The following OAT variants were observed in gnomAD, a reference collection of about 807,000 sequenced individuals.
OAT encodes ornithine aminotransferase, mitochondrial.
In OAT, 35 loss-of-function variants were observed where a neutral mutation model predicts 48.4. That is an observed-to-expected ratio of 0.72 (90% CI 0.55 to 0.96). OAT has a LOEUF of 0.96. OAT is among the 40% of genes least tolerant of loss of function. The pLI is 0.00. For missense variants in OAT, 438 were observed against 537.9 expected (o/e 0.81, Z 1.84); for synonymous variants, 182 against 198.4 (o/e 0.92, Z 0.70).
At chr10:124,408,661 GA>G (rs1347811614) in intron 3 of OAT, 24 bp from the exon 4 acceptor site, 1 of 1,598,046 alleles carries the variant, frequency 6.3e-7, no homozygotes, top group Non-Finnish European at 8.6e-7. Context: ...AAAATGTTCA[GA>G]TTTTTTTAAA....
intron 2 of OAT, among the ~76,000 whole-genome samples, chr10:124,409,897 T>C (rs186322575): frequency 1.5e-4 from 23 of 152,340 alleles, no homozygotes; most frequent in African/African-American, 3.6e-4. Context: ...GGGATGGTTA[T>C]AATTAAAAAA....
chr10:124,417,330 G>A (rs937631428), intron 1 of OAT, among the ~76,000 whole-genome samples: 1 of 145,594 alleles, frequency 6.9e-6, no homozygotes, highest in Non-Finnish European at 1.5e-5. Flanking sequence ...TGTCGCCCAG[G>A]CTGGAGTGCA....
At position 124,397,916 on chromosome 10, in the gene OAT, G is replaced by A; in HGVS notation, c.*26C>T. Reference sequence around the variant, plus strand: ...CCACCTGTCTCCAGCTGGCTCCCAGGGACCACTGAAAACAGCTGGCTACCC... The same window carrying A: ...CCACCTGTCTCCAGCTGGCTCCCAGAGACCACTGAAAACAGCTGGCTACCC... On this transcript the variant is annotated 3_prime_UTR_variant, in exon 10 of 10. Transcript: ENST00000368845. 6.2e-7 allele frequency: 1 copy of A among 1,613,362 alleles called. No homozygotes were observed. Among genetic ancestry groups the A allele is most frequent in the South Asian group, 1.1e-5 (1 of 91,036 alleles).
chr10:124,404,567 G>A (rs773905218), intron 5 of OAT, among the ~76,000 whole-genome samples: 12 of 152,108 alleles, frequency 7.9e-5, no homozygotes, highest in East Asian at 1.9e-4. Context: ...GATTACAGGC[G>A]TGAGTCACCG....
chr10:124,407,931 C>T (rs930989338), intron 4 of OAT, among the ~76,000 whole-genome samples: 1 of 152,082 alleles, frequency 6.6e-6, no homozygotes, highest in African/African-American at 2.4e-5. Context: ...CATGGCACAA[C>T]AGGACCTCCA....
Position 124,407,457 on chromosome 10 carries a change from C to T in OAT, c.520+1085G>A, listed in dbSNP as rs898747030. ...TCACCAGAAACACCATTTTTGTTTG[C>T]AAGAGACAGTTATGTTGTCCTACAA... On this transcript the variant is annotated intron_variant, in intron 4 of 9. Coordinates refer to ENST00000368845, the MANE Select transcript of OAT (RefSeq NM_000274.4). 5.1e-6 allele frequency: 5 copies of T among 985,142 alleles called. No individual in the cohort carries two copies. In the African/African-American group the frequency reaches 8.7e-5, roughly 17 times the overall value. 61.0% of individuals were successfully genotyped at this position (985,142 alleles called of 1,614,324 possible). A position where few individuals can be genotyped will look rare whatever the true frequency, so the allele number is the denominator to read the frequency against.
Position 124,401,743 on chromosome 10 carries a change from C to T in OAT, c.997G>A (p.Ala333Thr), listed in dbSNP as rs1322699067. 6.2e-7 allele frequency: 1 copy of T among 1,611,618 alleles called. No homozygotes were observed. Among genetic ancestry groups the T allele is most frequent in the Non-Finnish European group, 8.5e-7 (1 of 1,178,476 alleles). Residue 333 changes from alanine to threonine, a missense_variant, in exon 8 of 10, where the codon GCC (alanine) becomes ACC (threonine). Coordinates refer to ENST00000368845, the MANE Select transcript of OAT (RefSeq NM_000274.4). ...YGGNPLGCRV[A>T]IAALEVLEEE... ...GTCTTTACCTCAAGGGCTGCGATGG[C>T]CACTCGGCAGCCTAGTGGATTGCCA...
At chr10:124,401,382 A>G (rs1951402278) in intron 8 of OAT, among the ~76,000 whole-genome samples, 1 of 152,218 alleles carries the variant, frequency 6.6e-6, no homozygotes. Flanking sequence ...CAGTCTGAAA[A>G]CATTATAAAT....
chr10:124,400,967 G>A lies in OAT; in HGVS notation c.1032C>T (p.Asn344=), dbSNP rs2134450878. 6.2e-7 allele frequency: 1 copy of A among 1,611,398 alleles called. No individual in the cohort carries two copies. Among genetic ancestry groups the A allele is most frequent in the South Asian group, 1.1e-5 (1 of 90,918 alleles). ...CCAATTTGTCTGCATTTTCAGCAAG[G>A]TTTTCTTCTTCTAAAACCTACGTTT... The part of the protein sequence containing the change: ...IAALEVLEEE[N]LAENADKLGI... The change falls in exon 9 of 10, where the codon AAC becomes AAT. Residue 344 remains asparagine, a synonymous_variant. Coordinates refer to ENST00000368845, the MANE Select transcript of OAT (RefSeq NM_000274.4).
chr10:124,410,320 A>T (rs976008000), intron 2 of OAT, among the ~76,000 whole-genome samples: 7 of 152,234 alleles, frequency 4.6e-5, no homozygotes, highest in African/African-American at 1.7e-4. Flanking sequence ...ACAAAGGGAA[A>T]GAAGACCAAG....
rs371878605 is a variant in OAT at position 124,401,763 on chromosome 10, T to C, written c.977A>G (p.Asn326Ser). ...PGEHGSTYGGNPLGCRVAIAA... is the reference protein window; with the variant it reads ...PGEHGSTYGGSPLGCRVAIAA... ...GATGGCCACTCGGCAGCCTAGTGGATTGCCACCGTATGTGGACCCATGCTC... is the reference window on the plus strand; with the variant it reads ...GATGGCCACTCGGCAGCCTAGTGGACTGCCACCGTATGTGGACCCATGCTC... Residue 326 changes from asparagine to serine, a missense_variant, in exon 8 of 10, where the codon AAT becomes AGT. Physicochemically the swap from Asn to Ser is conservative, Grantham distance 46. Coordinates refer to ENST00000368845, the MANE Select transcript of OAT (RefSeq NM_000274.4). The C allele has an allele frequency of 3.7e-6, 6 of 1,613,200 alleles. No homozygotes were observed. The African/African-American group carries it at 5.3e-5, about 14-fold the overall frequency.
chr10:124,411,586 G>C (rs530236721), intron 2 of OAT, among the ~76,000 whole-genome samples: 11 of 152,258 alleles, frequency 7.2e-5, no homozygotes, highest in African/African-American at 1.9e-4. Context: ...GGGAGGCCAA[G>C]GTGGGAGGAT....
chr10:124,399,202 C>A (rs1161772655), intron 9 of OAT, among the ~76,000 whole-genome samples: 2 of 152,086 alleles, frequency 1.3e-5, no homozygotes, highest in African/African-American at 4.8e-5. Flanking sequence ...AGCAGCGATT[C>A]TCAACCTGGC....
chr10:124,406,942 A>C (rs1322402908), intron 4 of OAT: 18 of 984,806 alleles, frequency 1.8e-5, no homozygotes, highest in Non-Finnish European at 2.2e-5. Flanking sequence ...AATTTCAGAG[A>C]GGATGACATT....
Position 124,401,851 on chromosome 10 carries a change from T to G in OAT, c.901-12A>C, listed in dbSNP as rs1951421133. ...AGCACTGCAGACACCTGAAAGACAGTCAATTCACCATGTCATTTCTCAGCA... is the reference window on the plus strand; with the variant it reads ...AGCACTGCAGACACCTGAAAGACAGGCAATTCACCATGTCATTTCTCAGCA... On this transcript the variant is annotated splice_polypyrimidine_tract_variant and intron_variant, in intron 7 of 9. Transcript: ENST00000368845. 1 of 1,579,118 alleles carries G rather than the reference T, an allele frequency of 6.3e-7. No homozygotes were observed. The highest frequency in any genetic ancestry group is 1.7e-5 in the Admixed American group (1 of 59,900).
At chr10:124,411,168 G>A (rs375540371) in intron 2 of OAT, among the ~76,000 whole-genome samples, 2,130 of 61,940 alleles carry the variant, frequency 0.034, no homozygotes, top group East Asian at 0.1. Context: ...AAAAAAAGAA[G>A]AAGAGATGTC....
intron 4 of OAT, chr10:124,406,989 T>G: frequency 1.0e-6 from 1 of 985,248 alleles, no homozygotes; most frequent in Non-Finnish European, 1.2e-6. Flanking sequence ...AACAGAGAGG[T>G]TGGGAGTTTG....
intron 8 of OAT, among the ~76,000 whole-genome samples, chr10:124,401,375 T>G (rs1423593758): frequency 6.6e-6 from 1 of 152,168 alleles, no homozygotes; most frequent in Non-Finnish European, 1.5e-5. Context: ...AAAAAATCAG[T>G]CTGAAAACAT....
chr10:124,398,035 G>C lies in OAT; in HGVS notation c.1227C>G (p.Gly409=). 6.2e-7 allele frequency: 1 copy of C among 1,614,030 alleles called. No homozygotes were observed. The highest frequency in any genetic ancestry group is 1.7e-5 in the Admixed American group (1 of 60,008). The change falls in exon 10 of 10, where the codon GGC becomes GGG. Residue 409 remains glycine, a synonymous_variant. Coordinates refer to ENST00000368845, the MANE Select transcript of OAT (RefSeq NM_000274.4). The part of the protein sequence containing the change: ...DNGLLAKPTH[G]DIIRFAPPLV... ...GCGGAGGCGCAAACCTGATAATGTC[G>C]CCATGGGTTGGCTTGGCCAGAAGTC... is the stretch of plus-strand genomic sequence containing the variant.
Sources: allele counts gnomAD v4.1 joint callset (sites outside exome capture counted in the v4.1 genomes callset), GRCh38; gene constraint gnomAD v4.1.1; transcripts MANE v1.5; gene names NCBI Gene and HGNC (gene_info 2026-07-23, HGNC 2026-07-21).